The following SCN2A variants were observed in gnomAD, a reference collection of about 807,000 sequenced individuals.
SCN2A encodes the protein sodium channel protein type 2 subunit alpha.
A neutral mutation model predicts 188.7 loss-of-function variants in SCN2A; 20 were observed. The ratio of observed to expected loss-of-function variants is 0.11; its 90% CI spans 0.07 to 0.15. The LOEUF is 0.15. SCN2A is among the 10% of genes least tolerant of loss of function. The probability of loss-of-function intolerance (pLI) is 1.00; values close to 1 mark genes in which losing one functional copy is unlikely to be tolerated. For synonymous variants in SCN2A, 804 were observed against 833.1 expected (o/e 0.97, Z 0.60); for missense variants, 1,278 against 2,445.0 (o/e 0.52, Z 10.07).
rs1157599293 is a variant in SCN2A at position 165,366,987 on chromosome 2, G to A, written c.3521-230G>A. On this transcript the variant is annotated intron_variant, in intron 18 of 26. Coordinates refer to ENST00000375437, the MANE Select transcript of SCN2A (RefSeq NM_001040142.2). The stretch of plus-strand genomic sequence containing the variant: ...TTTTTATATATTGTGTTTTTGTAAT[G>A]TAATCCATTATAGTAGTGCTATAAA... Among the ~76,000 whole-genome samples the A allele has an allele frequency of 3.9e-5, 6 of 151,998 alleles. No homozygotes were observed. In the East Asian group the frequency reaches 9.7e-4, roughly 24 times the overall value.
intron 7 of SCN2A, 122 bp downstream of exon 7, chr2:165,310,717 A>G (rs1404856133): frequency 1.5e-6 from 1 of 659,510 alleles, no homozygotes; most frequent in Non-Finnish European, 2.4e-6. Flanking sequence ...AAGATGATTT[A>G]ATACATATAA....
chr2:165,338,847 C>G (rs796508153), intron 14 of SCN2A, among the ~76,000 whole-genome samples: 20 of 152,242 alleles, frequency 1.3e-4, no homozygotes, highest in African/African-American at 4.8e-4. Context: ...TGACAAAACT[C>G]AACAGTCATT....
At chr2:165,377,145 A>T (rs1214399066) in intron 22 of SCN2A, among the ~76,000 whole-genome samples, 1 of 152,068 alleles carries the variant, frequency 6.6e-6, no homozygotes, top group African/African-American at 2.4e-5. Context: ...TTTCAAGAAT[A>T]AGCTGTCATG....
At chr2:165,267,846 A>G (rs908785168) in intron 1 of SCN2A, 2 of 152,036 alleles carry the variant, frequency 1.3e-5, no homozygotes. Flanking sequence ...GTGTATGATA[A>G]AATTCCCAAT....
At chr2:165,349,392 T>C (rs1699768347) in intron 16 of SCN2A, among the ~76,000 whole-genome samples, 1 of 152,226 alleles carries the variant, frequency 6.6e-6, no homozygotes, top group African/African-American at 2.4e-5. Flanking sequence ...GAACCAGTGA[T>C]ATTTTTCAGA....
Position 165,315,456 on chromosome 2 carries a change from T to A in SCN2A, c.1384-15T>A. ...AAGTTTATATGCAACTTCCACATAC[T>A]TTGCGCCCTTCTAGGCGGCAGCTGC... On this transcript the variant is annotated splice_polypyrimidine_tract_variant and intron_variant, in intron 10 of 26. Coordinates refer to ENST00000375437, the MANE Select transcript of SCN2A (RefSeq NM_001040142.2). The A allele has an allele frequency of 6.2e-7, 1 of 1,613,696 alleles. No homozygotes were observed. Among genetic ancestry groups the A allele is most frequent in the Non-Finnish European group, 8.5e-7 (1 of 1,179,710 alleles).
At chr2:165,319,772 C>G (rs1446577) in intron 11 of SCN2A, among the ~76,000 whole-genome samples, 33,894 of 152,032 alleles carry the variant, frequency 0.22, 4,400 homozygotes, top group East Asian at 0.36. Context: ...GGGGAAAACC[C>G]CTACCATGAT....
chr2:165,256,621 T>C (rs1229034833), intron 1 of SCN2A, among the ~76,000 whole-genome samples: 1 of 152,234 alleles, frequency 6.6e-6, no homozygotes. Context: ...ACTGAACTTA[T>C]GAATTTAACT....
In SCN2A at chr2:165,239,578, A is replaced by G; in HGVS notation, c.-114A>G. The G allele has an allele frequency of 9.3e-6, 9 of 965,560 alleles. No homozygotes were observed. The highest frequency in any genetic ancestry group is 1.1e-5 in the Non-Finnish European group (9 of 811,982). The allele number at this position is 965,560 out of a possible 1,614,324, so 59.8% of individuals were successfully genotyped here. The stretch of plus-strand genomic sequence containing the variant: ...TAAAAATTCTGAAGAATTGCATTGG[A>G]GACTGTTATATTCAACACATACGTG... On this transcript the variant is annotated 5_prime_UTR_variant, in exon 1 of 27. Transcript: ENST00000375437.
intron 1 of SCN2A, among the ~76,000 whole-genome samples, chr2:165,280,912 T>C (rs1030076319): frequency 2.6e-5 from 4 of 152,124 alleles, no homozygotes; most frequent in African/African-American, 9.7e-5. Context: ...ATAAACAATA[T>C]AAATAATTAT....
intron 14 of SCN2A, among the ~76,000 whole-genome samples, chr2:165,332,343 T>C (rs1027806141): frequency 6.6e-6 from 1 of 152,082 alleles, no homozygotes; most frequent in Non-Finnish European, 1.5e-5. Context: ...TTTCGAATTA[T>C]ATTTCAGGTA....
chr2:165,254,790 A>G (rs1190565513), intron 1 of SCN2A, among the ~76,000 whole-genome samples: 1 of 151,790 alleles, frequency 6.6e-6, no homozygotes, highest in Non-Finnish European at 1.5e-5. Context: ...TGTCTTCTAC[A>G]ATTAACAGCT....
At chr2:165,269,817 T>G (rs1180964164) in intron 1 of SCN2A, 1 of 152,034 alleles carries the variant, frequency 6.6e-6, no homozygotes, top group Non-Finnish European at 1.5e-5. Flanking sequence ...AATCAAGTGT[T>G]TAAATTTATA....
chr2:165,272,537 T>C (rs1695149825), intron 1 of SCN2A: 1 of 152,046 alleles, frequency 6.6e-6, no homozygotes, highest in Non-Finnish European at 1.5e-5. Flanking sequence ...TATAGAATAT[T>C]ATACCCAACA....
At chr2:165,344,203 G>C (rs779598401) in intron 15 of SCN2A, among the ~76,000 whole-genome samples, 7 of 151,942 alleles carry the variant, frequency 4.6e-5, no homozygotes, top group Non-Finnish European at 1.0e-4. Flanking sequence ...TTTAAAAACT[G>C]TATAATTTAA....
intron 1 of SCN2A, among the ~76,000 whole-genome samples, chr2:165,276,026 C>T (rs1037713358): frequency 6.6e-6 from 1 of 152,190 alleles, no homozygotes; most frequent in African/African-American, 2.4e-5. Flanking sequence ...AGCCACTGCA[C>T]TCAGCCAAGT....
At chr2:165,352,991 GA>G (rs963823699) in intron 16 of SCN2A, among the ~76,000 whole-genome samples, 9 of 149,730 alleles carry the variant, frequency 6.0e-5, no homozygotes, top group African/African-American at 1.7e-4. Context: ...ATCAAATCCT[GA>G]AAAAAAATTA....
intron 1 of SCN2A, among the ~76,000 whole-genome samples, chr2:165,240,266 C>T (rs890146533): frequency 1.3e-5 from 2 of 152,152 alleles, no homozygotes; most frequent in Admixed American, 6.5e-5. Flanking sequence ...GTATGCTGAA[C>T]ACAAATTAAT....
In SCN2A at chr2:165,362,041, TAA is replaced by T. The variant is rs938029516; in HGVS notation, c.3400-3099_3400-3098del. Reference sequence around the variant, plus strand: ...GAAGTGTTAGTAGTTAGTGGTTGGATAAAAGAGTCCTCGCACTGGTCATTCAT... The same window carrying T: ...GAAGTGTTAGTAGTTAGTGGTTGGATAAGAGTCCTCGCACTGGTCATTCAT... On this transcript the variant is annotated intron_variant, in intron 17 of 26. Transcript: ENST00000375437. 2.5e-3 allele frequency among the ~76,000 whole-genome samples: 376 copies of T among 152,146 alleles called. 5 individuals carry two copies. The highest frequency in any genetic ancestry group is 3.7e-4 in the Non-Finnish European group (25 of 67,898).
Sources: allele counts gnomAD v4.1 joint callset (sites outside exome capture counted in the v4.1 genomes callset), GRCh38; gene constraint gnomAD v4.1.1; transcripts MANE v1.5; gene names NCBI Gene and HGNC (gene_info 2026-07-23, HGNC 2026-07-21).